Variants in FBLN1 observed in about 807,000 individuals in gnomAD.
FBLN1 encodes fibulin 1, also known as fibulin-1.
A neutral mutation model predicts 89.7 loss-of-function variants in FBLN1; 34 were observed. The observed-to-expected ratio is 0.38, with a 90% confidence interval of 0.29 to 0.50. The LOEUF (loss-of-function observed/expected upper bound fraction) is 0.50. Among genes scored for constraint, FBLN1 ranks in the 20% least tolerant of loss-of-function variants. The probability of loss-of-function intolerance (pLI) is 0.92; values close to 1 mark genes in which losing one functional copy is unlikely to be tolerated. For missense variants in FBLN1, 777 were observed against 988.1 expected, an observed-to-expected ratio of 0.79 and a Z score of 2.86; for synonymous variants, 393 against 391.3, an observed-to-expected ratio of 1.00 and a Z score of -0.05.
rs2089024942 is a variant in FBLN1, at chr22:45,579,434, G to A, written c.1972+2326G>A. Among the ~76,000 whole-genome samples the A allele has an allele frequency of 6.6e-6, 1 of 152,278 alleles. No individual in the cohort carries two copies. The highest frequency in any genetic ancestry group is 1.5e-5 in the Non-Finnish European group (1 of 68,048). The stretch of plus-strand genomic sequence containing the variant: ...CAGCGGGCTTCTGGGAACGGAATGT[G>A]GATGAGGCCACAAGGACCCAGCGGC... On this transcript the variant is annotated intron_variant, in intron 16 of 16. Coordinates refer to ENST00000327858, the MANE Select transcript of FBLN1 (RefSeq NM_006486.3). The surrounding 1 kb of genome is among the most constrained non-coding windows in gnomAD (Gnocchi z 5.5).
chr22:45,535,050 C>CT (rs1179167340), intron 7 of FBLN1, 150 bp from the exon 8 acceptor site: 7 of 983,978 alleles, frequency 7.1e-6, no homozygotes, highest in South Asian at 3.0e-5. Context: ...TCAGTGAAGT[C>CT]TTTTTTGTGT....
chr22:45,510,223 G>A (rs983249475), intron 1 of FBLN1, among the ~76,000 whole-genome samples: 3 of 152,128 alleles, frequency 2.0e-5, no homozygotes, highest in Non-Finnish European at 2.9e-5. Context: ...TTGGAAGGAC[G>A]CGGTCTCACA....
intron 16 of FBLN1, among the ~76,000 whole-genome samples, chr22:45,584,629 G>A (rs898828412): frequency 6.6e-6 from 1 of 152,230 alleles, no homozygotes; most frequent in Non-Finnish European, 1.5e-5. Context: ...AGGGACTGAG[G>A]TGTGTGCCTG....
At chr22:45,534,105 A>G (rs1274088294) in intron 7 of FBLN1, among the ~76,000 whole-genome samples, 1 of 152,116 alleles carries the variant, frequency 6.6e-6, no homozygotes, top group African/African-American at 2.4e-5. Flanking sequence ...GCTTGCCAAT[A>G]ATGTTCAGAA....
At position 45,600,311 on chromosome 22, in the gene FBLN1, C is replaced by T. The variant is rs746163336; in HGVS notation, c.1977C>T (p.Val659=). The T allele has an allele frequency of 1.1e-5, 18 of 1,614,124 alleles. No individual in the cohort carries two copies. Among genetic ancestry groups the T allele is most frequent in the Non-Finnish European group, 1.1e-5 (13 of 1,180,050 alleles). ...CACCTTCTGCTCTCTCCGCAGGTGT[C>T]GTGCGCCAGGTGCGGCCCATCGTGG... ...KRYMDGMTVG[V]VRQVRPIVGP... is the part of the protein sequence containing the mutation. Residue 659 remains valine (V), a synonymous_variant, in exon 17 of 17, where the codon GTC becomes GTT. Transcript: ENST00000327858.
At chr22:45,526,146 C>T (rs1333212851) in intron 3 of FBLN1, among the ~76,000 whole-genome samples, 1 of 152,224 alleles carries the variant, frequency 6.6e-6, no homozygotes, top group African/African-American at 2.4e-5. Flanking sequence ...TCTATAACGA[C>T]CCTAAAAGAG....
chr22:45,527,813 C>T (rs1232783196), intron 3 of FBLN1, 34 bp from the exon 4 acceptor site: 3 of 1,612,488 alleles, frequency 1.9e-6, no homozygotes, highest in Non-Finnish European at 2.5e-6. Flanking sequence ...TGTCTGCCCG[C>T]TCCTCCATCT....
intron 1 of FBLN1, among the ~76,000 whole-genome samples, chr22:45,518,127 CAAAAAAAAAA>C (rs136717): frequency 8.2e-6 from 1 of 122,686 alleles, no homozygotes; most frequent in Non-Finnish European, 1.7e-5. Context: ...GACTCTGTCT[CAAAAAAAAAA>C]AAAAAGAAAA....
At position 45,557,880 on chromosome 22, in the gene FBLN1, T is replaced by C. The variant is rs1178259447; in HGVS notation, c.1697+7265T>C. On this transcript the variant is annotated intron_variant, in intron 14 of 16. Transcript: ENST00000327858. This position sits in a 1 kb window ranked among gnomAD's most constrained non-coding sequence, Gnocchi z 4.9. ...TAATCGCACATCTGGTCATTTCTCC[T>C]TCCATGCAAAGTGCACAACCAGGTG... 6.6e-6 allele frequency among the ~76,000 whole-genome samples: 1 copy of C among 152,228 alleles called. No homozygotes were observed. Among genetic ancestry groups the C allele is most frequent in the African/African-American group, 2.4e-5 (1 of 41,452 alleles).
At chr22:45,503,311 T>G in intron 1 of FBLN1, 1 of 261,860 alleles carries the variant, frequency 3.8e-6, no homozygotes, top group Non-Finnish European at 7.2e-6. Context: ...CACACCGTCC[T>G]ACCCCAGTCC....
At position 45,576,959 on chromosome 22, in the gene FBLN1, C is replaced by T. The variant is rs1322500386; in HGVS notation, c.1841-18C>T. 1 of 1,613,458 alleles carries T rather than the reference C, an allele frequency of 6.2e-7. No homozygotes were observed. Among genetic ancestry groups the T allele is most frequent in the South Asian group, 1.1e-5 (1 of 91,080 alleles). On this transcript the variant is annotated intron_variant, in intron 15 of 16. Transcript: ENST00000327858. The surrounding 1 kb of genome is among the most constrained non-coding windows in gnomAD (Gnocchi z 5.2). ...GGCCAGGCTGTGCTGAGCCCTTCTCCATTCTGTGCCTCTGCAGAGATCATC... is the reference window on the plus strand; with the variant it reads ...GGCCAGGCTGTGCTGAGCCCTTCTCTATTCTGTGCCTCTGCAGAGATCATC...
In FBLN1 at chr22:45,590,095, C is replaced by T. The variant is rs2089123290; in HGVS notation, c.1973-10212C>T. 6.6e-6 allele frequency among the ~76,000 whole-genome samples: 1 copy of T among 152,230 alleles called. No homozygotes were observed. Among genetic ancestry groups the T allele is most frequent in the Admixed American group, 6.5e-5 (1 of 15,286 alleles). ...TGATGTTGGTAACCCCAGCACCCAG[C>T]ACTGCAGCCACCCACAGCAAGTGCT... is the stretch of plus-strand genomic sequence containing the variant. On this transcript the variant is annotated intron_variant, in intron 16 of 16. Coordinates refer to ENST00000327858, the MANE Select transcript of FBLN1 (RefSeq NM_006486.3). The surrounding 1 kb of genome is among the most constrained non-coding windows in gnomAD (Gnocchi z 4.1).
chr22:45,533,948 C>T lies in FBLN1; in HGVS notation c.784+50C>T, dbSNP rs146717263. ...AAACCTGGTCTTCCAGGCGTAGATACGGCGCGGTGGGAAGGGCAGCTCTGG... is the reference window on the plus strand; with the variant it reads ...AAACCTGGTCTTCCAGGCGTAGATATGGCGCGGTGGGAAGGGCAGCTCTGG... On this transcript the variant is annotated intron_variant, in intron 7 of 16. Coordinates refer to ENST00000327858, the MANE Select transcript of FBLN1 (RefSeq NM_006486.3). The T allele has an allele frequency of 1.4e-4, 233 of 1,610,212 alleles. 1 individual carries two copies. In the East Asian group the frequency reaches 3.3e-3, roughly 23 times the overall value.
At position 45,530,624 on chromosome 22, in the gene FBLN1, A is replaced by G. The variant is rs185448192; in HGVS notation, c.485-641A>G. ...AAGTTTTTACTGCGTGCATTGCTTT[A>G]GACTTGGAGGGCGTGTGTTGGTTGT... On this transcript the variant is annotated intron_variant, in intron 4 of 16. Transcript: ENST00000327858. The surrounding 1 kb of genome is among the most constrained non-coding windows in gnomAD (Gnocchi z 5.4). Among the ~76,000 whole-genome samples the G allele has an allele frequency of 2.6e-4, 40 of 152,300 alleles. 1 individual carries two copies. Among genetic ancestry groups the G allele is most frequent in the African/African-American group, 8.9e-4 (37 of 41,562 alleles).
Position 45,531,410 on chromosome 22 carries a change from T to G in FBLN1, c.544+86T>G. The G allele has an allele frequency of 1.7e-6, 2 of 1,197,978 alleles. No individual in the cohort carries two copies. Among genetic ancestry groups the G allele is most frequent in the Non-Finnish European group, 2.5e-6 (2 of 804,812 alleles). The allele number at this position is 1,197,978 out of a possible 1,614,324, so 74.2% of individuals were successfully genotyped here. ...TGGCTCAGGCCTGTAATCCTAGTAC[T>G]TTGGGAAGCCAAGGCAGGAGGATTC... On this transcript the variant is annotated intron_variant, in intron 5 of 16. Transcript: ENST00000327858. This position sits in a 1 kb window ranked among gnomAD's most constrained non-coding sequence, Gnocchi z 4.9.
intron 1 of FBLN1, among the ~76,000 whole-genome samples, chr22:45,517,873 G>A (rs1380379357): frequency 1.3e-5 from 2 of 151,648 alleles, no homozygotes; most frequent in African/African-American, 4.9e-5. Context: ...GCTTATGCCT[G>A]TAATCCCAGC....
rs572363734 is a variant in FBLN1, at chr22:45,518,689, G to A, written c.87G>A (p.Ala29=). Residue 29 remains alanine, a synonymous_variant, in exon 2 of 17, where the codon GCG becomes GCA. Transcript: ENST00000327858. Reference sequence around the variant, plus strand: ...GTTCTCTTCCCTGCACAGTGGACGCGGATGTCCTCCTGGAGGCCTGCTGTG... The same window carrying A: ...GTTCTCTTCCCTGCACAGTGGACGCAGATGTCCTCCTGGAGGCCTGCTGTG... The part of the protein sequence containing the change: ...GLALLAAGVD[A]DVLLEACCAD... 4.1e-5 allele frequency: 65 copies of A among 1,604,546 alleles called. No homozygotes were observed. The highest frequency in any genetic ancestry group is 5.6e-5 in the South Asian group (5 of 88,866).
In FBLN1 at chr22:45,530,611, C is replaced by T. The variant is rs774018240; in HGVS notation, c.485-654C>T. Reference sequence around the variant, plus strand: ...AATCAGGAGACTCAAGTTTTTACTGCGTGCATTGCTTTAGACTTGGAGGGC... The same window carrying T: ...AATCAGGAGACTCAAGTTTTTACTGTGTGCATTGCTTTAGACTTGGAGGGC... On this transcript the variant is annotated intron_variant, in intron 4 of 16. Transcript: ENST00000327858. This position sits in a 1 kb window ranked among gnomAD's most constrained non-coding sequence, Gnocchi z 5.4. Among the ~76,000 whole-genome samples the T allele has an allele frequency of 2.0e-5, 3 of 152,144 alleles. No homozygotes were observed. The highest frequency in any genetic ancestry group is 2.9e-5 in the Non-Finnish European group (2 of 68,034).
intron 1 of FBLN1, among the ~76,000 whole-genome samples, chr22:45,515,798 G>A (rs1475621484): frequency 1.3e-5 from 2 of 152,196 alleles, no homozygotes; most frequent in Non-Finnish European, 2.9e-5. Flanking sequence ...TGCAAGCCCC[G>A]TTTTCCCACT....
Sources: gnomAD v4.1 joint callset for allele counts (sites outside exome capture counted in the v4.1 genomes callset) on GRCh38, gnomAD v4.1.1 for gene constraint, Gnocchi (gnomAD v3.1) non-coding constraint, MANE v1.5 for transcripts, NCBI Gene and HGNC (gene_info 2026-07-23, HGNC 2026-07-21) for gene names.